Variants in CCPG1 observed in about 807,000 individuals in gnomAD.
The protein encoded by CCPG1 is cell cycle progression 1.
CCPG1 carries 46 observed loss-of-function variants against 81.3 expected under a neutral mutation model. The ratio of observed to expected loss-of-function variants is 0.57; its 90% CI spans 0.45 to 0.72. The LOEUF (loss-of-function observed/expected upper bound fraction) is 0.72, where lower values mean the gene tolerates loss of function less well. CCPG1 is among the 30% of genes least tolerant of loss of function. The pLI, the probability that CCPG1 is intolerant of heterozygous loss-of-function variation, is 0.00. For missense variants in CCPG1, 902 were observed against 937.6 expected, an observed-to-expected ratio of 0.96 and a Z score of 0.50; for synonymous variants, 330 against 305.2, an observed-to-expected ratio of 1.08 and a Z score of -0.85.
At chr15:55,395,083 C>G (rs943897719) in intron 1 of CCPG1, among the ~76,000 whole-genome samples, 1 of 152,084 alleles carries the variant, frequency 6.6e-6, no homozygotes, top group African/African-American at 2.4e-5. Context: ...TGGCAATACC[C>G]GTCTCTGTGA....
At chr15:55,374,646 T>C (rs1173874852) in intron 5 of CCPG1, among the ~76,000 whole-genome samples, 2 of 152,236 alleles carry the variant, frequency 1.3e-5, no homozygotes, top group Non-Finnish European at 2.9e-5. Context: ...TTTTTATTTT[T>C]TTGAGACGGG....
At chr15:55,380,573 G>A (rs2056666617) in intron 3 of CCPG1, among the ~76,000 whole-genome samples, 1 of 151,780 alleles carries the variant, frequency 6.6e-6, no homozygotes, top group African/African-American at 2.4e-5. Context: ...GGGATTATAG[G>A]CATGAGCTAC....
intron 1 of CCPG1, among the ~76,000 whole-genome samples, chr15:55,398,876 A>T (rs1282889359): frequency 6.6e-6 from 1 of 152,124 alleles, no homozygotes; most frequent in Non-Finnish European, 1.5e-5. Context: ...CACTGCGCCC[A>T]GCATGAAAAC....
Position 55,360,921 on chromosome 15 carries a change from C to A in CCPG1, c.852G>T (p.Arg284Ser). ...DYKSLKENLA[R>S]CWTLTEAEKM... Reference sequence around the variant, plus strand: ...TCTCTGCTTCAGTAAGTGTCCAACACCTTGCAAGATTTTCTTTCAATGACT... The same window carrying A: ...TCTCTGCTTCAGTAAGTGTCCAACAACTTGCAAGATTTTCTTTCAATGACT... The change falls in exon 8 of 9, where the codon AGG (arginine) becomes AGT (serine). Residue 284 changes from arginine (R) to serine (S), a missense_variant. By Grantham distance (110) the Arg-to-Ser change is moderately radical (BLOSUM62 -1). This residue lies in a region of CCPG1 where 746 missense variants were observed against 728.6 expected (regional missense o/e 1.02). Coordinates refer to ENST00000442196, the MANE Select transcript of CCPG1 (RefSeq NM_001204450.2). The A allele has an allele frequency of 1.3e-6, 2 of 1,546,126 alleles. No homozygotes were observed. Among genetic ancestry groups the A allele is most frequent in the Admixed American group, 2.2e-5 (1 of 44,678 alleles).
At chr15:55,390,429 A>C (rs917133928) in intron 1 of CCPG1, among the ~76,000 whole-genome samples, 10 of 133,486 alleles carry the variant, frequency 7.5e-5, no homozygotes, top group Non-Finnish European at 1.5e-4. Flanking sequence ...AACCCAACTT[A>C]GTAAAGCAAA....
In CCPG1 at chr15:55,365,183, C is replaced by T; in HGVS notation, c.828+5G>A. The T allele has an allele frequency of 2.8e-6, 4 of 1,429,836 alleles. No homozygotes were observed. The highest frequency in any genetic ancestry group is 1.2e-5 in the South Asian group (1 of 80,708). 88.6% of individuals were successfully genotyped at this position (1,429,836 alleles called of 1,614,324 possible). ...ATTATTTTAAATACTGTTAGTGGTA[C>T]ATACCTTATAATCTATAAAAGATTC... On this transcript the variant is annotated splice_donor_5th_base_variant and intron_variant, in intron 7 of 8. Transcript: ENST00000442196.
intron 6 of CCPG1, among the ~76,000 whole-genome samples, chr15:55,366,074 G>C (rs1037006781): frequency 1.3e-5 from 2 of 152,054 alleles, no homozygotes; most frequent in Admixed American, 6.5e-5. Flanking sequence ...ATACACCCAG[G>C]AACATTTAAG....
intron 3 of CCPG1, among the ~76,000 whole-genome samples, chr15:55,378,773 T>C (rs2056617734): frequency 6.6e-6 from 1 of 152,086 alleles, no homozygotes; most frequent in African/African-American, 2.4e-5. Flanking sequence ...ATTTTTGTAT[T>C]TCTACTAGAG....
chr15:55,356,379 A>G lies in CCPG1; in HGVS notation c.2265T>C (p.Asn755=), dbSNP rs1191050564. Residue 755 remains asparagine (N), a synonymous_variant, in exon 9 of 9, where the codon AAT becomes AAC. Coordinates refer to ENST00000442196, the MANE Select transcript of CCPG1 (RefSeq NM_001204450.2). Reference sequence around the variant, plus strand: ...GTTTTCGATGCCTGGAGTTTTCAATATTTACCATACGTTGCTTTTTATCAG... The same window carrying G: ...GTTTTCGATGCCTGGAGTTTTCAATGTTTACCATACGTTGCTTTTTATCAG... ...SRPDKKQRMV[N]IENSRHRKQE... The G allele has an allele frequency of 4.6e-6, 7 of 1,534,364 alleles. No homozygotes were observed. Among genetic ancestry groups the G allele is most frequent in the Admixed American group, 2.0e-5 (1 of 50,302 alleles).
chr15:55,361,070 A>G (rs2056183369), intron 7 of CCPG1, 126 bp from the exon 8 acceptor site: 1 of 997,950 alleles, frequency 1.0e-6, no homozygotes, highest in South Asian at 2.2e-5. Context: ...CCCCCCGGGT[A>G]GTATTTTCAA....
At chr15:55,389,275 A>C in intron 2 of CCPG1, 90 bp downstream of exon 2, 1 of 933,752 alleles carries the variant, frequency 1.1e-6, no homozygotes, top group Non-Finnish European at 1.7e-6. Context: ...GCTTAAAGGT[A>C]GAAAAAGACT....
In CCPG1 at chr15:55,355,401, A is replaced by G; in HGVS notation, c.*819T>C. On this transcript the variant is annotated 3_prime_UTR_variant, in exon 9 of 9. Transcript: ENST00000442196. ...ATATATGTCTATGAACGGAAGTTAA[A>G]AGGGAAATTCAACATGAAGATGAAA... is the stretch of plus-strand genomic sequence containing the variant. 6.2e-7 allele frequency: 1 copy of G among 1,609,408 alleles called. No homozygotes were observed. Among genetic ancestry groups the G allele is most frequent in the African/African-American group, 1.3e-5 (1 of 74,878 alleles).
chr15:55,389,451 T>C lies in CCPG1; in HGVS notation c.-9-18A>G, dbSNP rs1308043383. The C allele has an allele frequency of 6.5e-7, 1 of 1,548,440 alleles. No homozygotes were observed. The highest frequency in any genetic ancestry group is 2.2e-5 in the East Asian group (1 of 44,484). ...TTTCAGGTCTACAAATACAAAAACA[T>C]ATTGACTCATGAGACACATTTTTTT... On this transcript the variant is annotated intron_variant, in intron 1 of 8. Transcript: ENST00000442196.
At chr15:55,356,591 C>A in intron 8 of CCPG1, 182 bp from the exon 9 acceptor site, 1 of 1,232,416 alleles carries the variant, frequency 8.1e-7, no homozygotes, top group Admixed American at 4.1e-5. Flanking sequence ...TTTTTTTGTC[C>A]TATAGAAAGA....
Position 55,355,869 on chromosome 15 carries a change from A to G in CCPG1, c.*351T>C, listed in dbSNP as rs1039172605. On this transcript the variant is annotated 3_prime_UTR_variant, in exon 9 of 9. Coordinates refer to ENST00000442196, the MANE Select transcript of CCPG1 (RefSeq NM_001204450.2). ...GCTCTGCTGCAAATTTAACACAAACATCAGTGTTAATTACACTTTGTCATG... is the reference window on the plus strand; with the variant it reads ...GCTCTGCTGCAAATTTAACACAAACGTCAGTGTTAATTACACTTTGTCATG... 1 of 265,268 alleles carries G rather than the reference A, an allele frequency of 3.8e-6. No individual in the cohort carries two copies. The highest frequency in any genetic ancestry group is 7.0e-6 in the Non-Finnish European group (1 of 142,718). 16.4% of individuals were successfully genotyped at this position (265,268 alleles called of 1,614,324 possible). A position where few individuals can be genotyped will look rare whatever the true frequency, so the allele number is the denominator to read the frequency against.
chr15:55,397,684 T>C (rs142943587), intron 1 of CCPG1, among the ~76,000 whole-genome samples: 100 of 151,802 alleles, frequency 6.6e-4, no homozygotes, highest in African/African-American at 2.3e-3. Flanking sequence ...GAGAAGAAAA[T>C]CAGTAAATTG....
chr15:55,376,510 C>A (rs1019576291), intron 5 of CCPG1, among the ~76,000 whole-genome samples: 1 of 152,198 alleles, frequency 6.6e-6, no homozygotes, highest in Non-Finnish European at 1.5e-5. Flanking sequence ...GGTAGGTACT[C>A]AATAAATGTT....
At chr15:55,380,381 C>T (rs867120877) in intron 3 of CCPG1, among the ~76,000 whole-genome samples, 3 of 151,250 alleles carry the variant, frequency 2.0e-5, no homozygotes, top group East Asian at 4.1e-4. Flanking sequence ...CTGCAAGCTC[C>T]GCCTCCCGGG....
intron 3 of CCPG1, among the ~76,000 whole-genome samples, chr15:55,379,559 C>A (rs1399421958): frequency 6.6e-6 from 1 of 151,940 alleles, no homozygotes; most frequent in Non-Finnish European, 1.5e-5. Context: ...AGTCCAGGCA[C>A]AGTGGCTCAT....
Sources: allele counts gnomAD v4.1 joint callset (sites outside exome capture counted in the v4.1 genomes callset), GRCh38; gene constraint gnomAD v4.1.1; regional missense constraint gnomAD v4.1.1; transcripts MANE v1.5; gene names NCBI Gene and HGNC (gene_info 2026-07-23, HGNC 2026-07-21).